The following COL15A1 variants were observed in gnomAD, a reference collection of about 807,000 sequenced individuals.
The protein encoded by COL15A1 is collagen type XV alpha 1 chain.
Under a neutral mutation model 165.9 loss-of-function variants are expected in COL15A1, and 111 were observed. The ratio of observed to expected loss-of-function variants is 0.67; its 90% confidence interval spans 0.57 to 0.78. The LOEUF is 0.78. Among genes scored for constraint, COL15A1 ranks in the 30% least tolerant of loss-of-function variants. The pLI is 0.00. For missense variants in COL15A1, 1,745 were observed against 1,789.7 expected, an observed-to-expected ratio of 0.98 and a Z score of 0.45; for synonymous variants, 659 against 674.8, an observed-to-expected ratio of 0.98 and a Z score of 0.36.
chr9:98,975,657 C>T (rs1838129988), intron 2 of COL15A1, among the ~76,000 whole-genome samples: 1 of 152,252 alleles, frequency 6.6e-6, no homozygotes, highest in Non-Finnish European at 1.5e-5. Flanking sequence ...TCCTCTGTCT[C>T]TGAAACCGTC....
chr9:99,032,467 C>T (rs1257511711), intron 16 of COL15A1, among the ~76,000 whole-genome samples: 13 of 152,168 alleles, frequency 8.5e-5, no homozygotes, highest in Admixed American at 7.9e-4. Flanking sequence ...GGATTACAGG[C>T]CTGAGCCACC....
At chr9:98,950,011 G>A (rs566605883) in intron 2 of COL15A1, among the ~76,000 whole-genome samples, 204 of 152,320 alleles carry the variant, frequency 1.3e-3, no homozygotes, top group African/African-American at 4.7e-3. Context: ...TGTATCATGT[G>A]TCAGTACTTC....
At chr9:99,015,607 G>A (rs753433912) in intron 10 of COL15A1, 41 bp downstream of exon 10, 1 of 1,595,696 alleles carries the variant, frequency 6.3e-7, no homozygotes, top group East Asian at 2.2e-5. Context: ...ACAGGGGAGA[G>A]ACAGGTCTGC....
chr9:99,044,748 T>A lies in COL15A1; in HGVS notation c.2657T>A (p.Met886Lys). ...RLMGKKGEPG[M>K]HGAPGPMGPK... ...TTCCTGTTTTAGGGTGAACCTGGAA[T>A]GCATGGAGCCCCAGGACCAATGGTA... Residue 886 changes from methionine (M) to lysine (K), a missense_variant, in exon 26 of 42, where the codon ATG becomes AAG. Transcript: ENST00000375001. 6.2e-7 allele frequency: 1 copy of A among 1,614,000 alleles called. No individual in the cohort carries two copies. The highest frequency in any genetic ancestry group is 8.5e-7 in the Non-Finnish European group (1 of 1,179,852).
chr9:99,041,561 C>A (rs568949900), intron 23 of COL15A1, among the ~76,000 whole-genome samples: 1 of 151,880 alleles, frequency 6.6e-6, no homozygotes, highest in Admixed American at 6.6e-5. Flanking sequence ...AGAGAGGCTG[C>A]GGGAAGGGAG....
At chr9:98,968,290 G>A (rs1404989626) in intron 2 of COL15A1, among the ~76,000 whole-genome samples, 1 of 152,180 alleles carries the variant, frequency 6.6e-6, no homozygotes, top group African/African-American at 2.4e-5. Flanking sequence ...CTAGGGCTGC[G>A]GTAACAAACG....
At chr9:98,999,711 G>A (rs1588508764) in intron 6 of COL15A1, among the ~76,000 whole-genome samples, 1 of 151,684 alleles carries the variant, frequency 6.6e-6, no homozygotes, top group Non-Finnish European at 1.5e-5. Flanking sequence ...GTAGAGATGG[G>A]GTCTCGCTAT....
intron 2 of COL15A1, among the ~76,000 whole-genome samples, chr9:98,947,989 G>A (rs1837611994): frequency 1.3e-5 from 2 of 152,226 alleles, no homozygotes; most frequent in African/African-American, 2.4e-5. Context: ...CATCTACGAA[G>A]TGGAGAGGCA....
At chr9:99,011,397 CCT>C (rs1838845294) in intron 9 of COL15A1, among the ~76,000 whole-genome samples, 1 of 125,554 alleles carries the variant, frequency 8.0e-6, no homozygotes, top group East Asian at 2.5e-4. Context: ...CCTGAGCATC[CCT>C]CTTTCTGAAA....
chr9:99,044,994 T>G (rs1839471528), intron 26 of COL15A1, among the ~76,000 whole-genome samples: 1 of 152,224 alleles, frequency 6.6e-6, no homozygotes, highest in African/African-American at 2.4e-5. Flanking sequence ...CCACTGTGGT[T>G]GTTCTCAGCT....
chr9:98,943,922 G>T lies in COL15A1; in HGVS notation c.-140G>T. On this transcript the variant is annotated 5_prime_UTR_variant, in exon 1 of 42. Transcript: ENST00000375001. ...GGGAGCCGGGATTCTGCCCGCCGCC[G>T]CCGCTGCCGAGCGCCGCCTTTGTTC... The T allele has an allele frequency of 8.7e-7, 1 of 1,148,784 alleles. No homozygotes were observed. The highest frequency in any genetic ancestry group is 3.0e-5 in the East Asian group (1 of 32,844). 71.2% of individuals were successfully genotyped at this position (1,148,784 alleles called of 1,614,324 possible). A position where few individuals can be genotyped will look rare whatever the true frequency, so the allele number is the denominator to read the frequency against.
At chr9:98,981,629 A>G (rs1838236817) in intron 2 of COL15A1, among the ~76,000 whole-genome samples, 1 of 152,188 alleles carries the variant, frequency 6.6e-6, no homozygotes, top group Admixed American at 6.5e-5. Context: ...TCTGTTAGAA[A>G]CACGTATCGA....
chr9:99,059,976 A>T (rs762740377), intron 36 of COL15A1, 23 bp downstream of exon 36: 2 of 1,611,192 alleles, frequency 1.2e-6, no homozygotes, highest in Non-Finnish European at 1.7e-6. Context: ...ATCAGTGTGT[A>T]GTCATCATTC....
intron 37 of COL15A1, 61 bp from the exon 38 acceptor site, chr9:99,062,184 G>C: frequency 5.6e-6 from 9 of 1,599,410 alleles, no homozygotes; most frequent in Non-Finnish European, 7.7e-6. Flanking sequence ...ATTTTTTTCT[G>C]TTTTGAAATG....
At chr9:98,979,450 T>C (rs2050453063) in intron 2 of COL15A1, among the ~76,000 whole-genome samples, 1 of 152,218 alleles carries the variant, frequency 6.6e-6, no homozygotes, top group Admixed American at 6.5e-5. Flanking sequence ...TCATTATGAA[T>C]GAGGTTGAGT....
At chr9:98,959,764 C>A (rs1243906381) in intron 2 of COL15A1, among the ~76,000 whole-genome samples, 1 of 152,214 alleles carries the variant, frequency 6.6e-6, no homozygotes, top group Non-Finnish European at 1.5e-5. Context: ...TCTAGCATGG[C>A]TTCTCACTGT....
rs533991309 is a variant in COL15A1, at chr9:99,016,217, A to C, written c.1647+98A>C. The C allele has an allele frequency of 2.3e-4, 322 of 1,426,896 alleles. 2 individuals carry two copies. In the African/African-American group the frequency reaches 3.9e-3, roughly 17 times the overall value. 88.4% of individuals were successfully genotyped at this position (1,426,896 alleles called of 1,614,324 possible). On this transcript the variant is annotated intron_variant, in intron 11 of 41. Coordinates refer to ENST00000375001, the MANE Select transcript of COL15A1 (RefSeq NM_001855.5). The stretch of plus-strand genomic sequence containing the variant: ...GGAAGGGCTGGCCCCCAGCTTTCTC[A>C]GAGGTAGGTTTTCATGTTGGTTTGC...
intron 5 of COL15A1, among the ~76,000 whole-genome samples, chr9:98,993,155 A>C (rs1838476999): frequency 6.6e-6 from 1 of 152,212 alleles, no homozygotes; most frequent in South Asian, 2.1e-4. Flanking sequence ...TGGTTACAAT[A>C]GAGTGGACCT....
At chr9:99,003,917 C>T (rs768275295) in intron 8 of COL15A1, among the ~76,000 whole-genome samples, 21 of 152,016 alleles carry the variant, frequency 1.4e-4, no homozygotes, top group Non-Finnish European at 2.6e-4. Context: ...GGGCCCAGAG[C>T]CCAGACTCGG....
Sources: allele counts gnomAD v4.1 joint callset (sites outside exome capture counted in the v4.1 genomes callset), GRCh38; gene constraint gnomAD v4.1.1; transcripts MANE v1.5; gene names NCBI Gene and HGNC (gene_info 2026-07-23, HGNC 2026-07-21).